Variants in ERG observed in about 807,000 individuals in gnomAD.
The protein encoded by ERG is ETS transcription factor ERG, also known as transcriptional regulator ERG.
A neutral mutation model predicts 55.3 loss-of-function variants in ERG; 9 were observed. The ratio of observed to expected loss-of-function variants is 0.16; its 90% CI spans 0.10 to 0.28. The LOEUF is 0.28. Among genes scored for constraint, ERG ranks in the 10% least tolerant of loss-of-function variants. The probability of loss-of-function intolerance (pLI) is 1.00; values close to 1 mark genes in which losing one functional copy is unlikely to be tolerated. For synonymous variants in ERG, 223 were observed against 237.3 expected, an observed-to-expected ratio of 0.94 and a Z score of 0.55; for missense variants, 434 against 631.6, an observed-to-expected ratio of 0.69 and a Z score of 3.35.
intron 2 of ERG, among the ~76,000 whole-genome samples, chr21:38,557,655 A>G (rs774725553): frequency 6.6e-6 from 1 of 152,242 alleles, no homozygotes; most frequent in African/African-American, 2.4e-5. Flanking sequence ...ACCAATGAGA[A>G]TAAGAGTGAC....
At chr21:38,499,358 C>A (rs1459038779), upstream of ERG, among the ~76,000 whole-genome samples, 1 of 152,208 alleles carries the variant, frequency 6.6e-6, no homozygotes, top group Non-Finnish European at 1.5e-5. Context: ...GGTCTGTTTT[C>A]TCCTCGAAGG....
chr21:38,503,646 A>G (rs1424316778), intron 2 of ERG, among the ~76,000 whole-genome samples: 1 of 152,206 alleles, frequency 6.6e-6, no homozygotes, highest in African/African-American at 2.4e-5. Context: ...AAACAATAGG[A>G]CAAAAGTGCT....
At chr21:38,609,947 T>G (rs915490072) in intron 1 of ERG, among the ~76,000 whole-genome samples, 1 of 152,262 alleles carries the variant, frequency 6.6e-6, no homozygotes, top group African/African-American at 2.4e-5. Flanking sequence ...ACTGGACTTT[T>G]GTATATTTCA....
upstream of ERG, among the ~76,000 whole-genome samples, chr21:38,499,491 A>G (rs1387987364): frequency 6.6e-6 from 1 of 152,178 alleles, no homozygotes; most frequent in Non-Finnish European, 1.5e-5. Flanking sequence ...CGCAGGACCC[A>G]TAAAGAGGTG....
intron 1 of ERG, among the ~76,000 whole-genome samples, chr21:38,484,519 T>C (rs529420282): frequency 6.6e-6 from 1 of 152,342 alleles, no homozygotes; most frequent in East Asian, 1.9e-4. Flanking sequence ...CTTTAAATTA[T>C]CAAAACTACT....
In ERG at chr21:38,626,367, C is replaced by T. The variant is rs964603968; in HGVS notation, c.-150+35291G>A. Reference sequence around the variant, plus strand: ...GCCATTTTGCAAAATGTTGACTGACCATGATGAGAGAAGTACGGAAAGTAA... The same window carrying T: ...GCCATTTTGCAAAATGTTGACTGACTATGATGAGAGAAGTACGGAAAGTAA... On this transcript the variant is annotated intron_variant, in intron 1 of 10. Coordinates refer to the ERG transcript ENST00000398910. Among the ~76,000 whole-genome samples the T allele has an allele frequency of 3.9e-5, 6 of 152,250 alleles. No homozygotes were observed. In the East Asian group the frequency reaches 1.2e-3, roughly 29 times the overall value.
intron 1 of ERG, among the ~76,000 whole-genome samples, chr21:38,660,136 C>A (rs903299886): frequency 6.6e-6 from 1 of 151,796 alleles, no homozygotes; most frequent in Admixed American, 6.6e-5. Context: ...CAGGACCCAG[C>A]GGACAGTGAC....
At chr21:38,637,110 T>C (rs946365421) in intron 1 of ERG, among the ~76,000 whole-genome samples, 3 of 152,188 alleles carry the variant, frequency 2.0e-5, no homozygotes, top group African/African-American at 7.2e-5. Flanking sequence ...ACAGCATCCT[T>C]CTGCTCAGCC....
intron 2 of ERG, among the ~76,000 whole-genome samples, chr21:38,429,190 T>C (rs1435200080): frequency 6.6e-6 from 1 of 152,116 alleles, no homozygotes; most frequent in Non-Finnish European, 1.5e-5. Flanking sequence ...TCCAACTCCA[T>C]CCAAGTTGCT....
chr21:38,599,798 G>A (rs1236178185), intron 1 of ERG, among the ~76,000 whole-genome samples: 2 of 152,246 alleles, frequency 1.3e-5, no homozygotes, highest in African/African-American at 2.4e-5. Context: ...AACAGGGACA[G>A]GAAGGAGCTA....
intron 1 of ERG, among the ~76,000 whole-genome samples, chr21:38,639,092 T>A (rs2060407923): frequency 6.6e-6 from 1 of 152,148 alleles, no homozygotes; most frequent in South Asian, 2.1e-4. Flanking sequence ...CCCCAGGAGA[T>A]GCTGACCAAC....
intron 3 of ERG, among the ~76,000 whole-genome samples, chr21:38,418,272 T>TGTGTGC: frequency 8.4e-6 from 1 of 119,138 alleles, no homozygotes; most frequent in Admixed American, 8.2e-5. Flanking sequence ...CATTTGGAAG[T>TGTGTGC]GTGTGTGTGT....
At chr21:38,417,563 T>C (rs967991866) in intron 3 of ERG, among the ~76,000 whole-genome samples, 1 of 151,922 alleles carries the variant, frequency 6.6e-6, no homozygotes, top group Non-Finnish European at 1.5e-5. Context: ...CCGAGGTGGG[T>C]GGATCATCTG....
chr21:38,613,391 G>A (rs907719427), intron 1 of ERG, among the ~76,000 whole-genome samples: 2 of 151,422 alleles, frequency 1.3e-5, no homozygotes, highest in Non-Finnish European at 2.9e-5. Context: ...TTCAGAGCTA[G>A]TCACTAAAGC....
At chr21:38,435,771 G>C (rs1990415590) in intron 2 of ERG, among the ~76,000 whole-genome samples, 1 of 152,158 alleles carries the variant, frequency 6.6e-6, no homozygotes, top group Non-Finnish European at 1.5e-5. Flanking sequence ...GAAAACTGGA[G>C]GGAAATGCAC....
Position 38,526,217 on chromosome 21 carries a change from G to A in ERG, c.-41+49445C>T, listed in dbSNP as rs548887330. Among the ~76,000 whole-genome samples, 4 of 152,304 alleles carry A rather than the reference G, an allele frequency of 2.6e-5. No homozygotes were observed. The South Asian group carries it at 8.3e-4, about 32-fold the overall frequency. On this transcript the variant is annotated intron_variant, in intron 2 of 8. Transcript: ENST00000398897. ...GCCCATCAAGGAGTAAATAATCCATGAGTGGACTAAATTCTTTAGAAACAG... is the reference window on the plus strand; with the variant it reads ...GCCCATCAAGGAGTAAATAATCCATAAGTGGACTAAATTCTTTAGAAACAG...
At chr21:38,617,775 A>T (rs2060267229) in intron 1 of ERG, among the ~76,000 whole-genome samples, 1 of 152,132 alleles carries the variant, frequency 6.6e-6, no homozygotes, top group Non-Finnish European at 1.5e-5. Context: ...CCCATTGTTG[A>T]TATTTGATAT....
In ERG at chr21:38,403,647, C is replaced by T; in HGVS notation, c.451G>A (p.Gly151Ser). 8 of 1,614,170 alleles carry T rather than the reference C, an allele frequency of 5.0e-6. No individual in the cohort carries two copies. The highest frequency in any genetic ancestry group is 6.8e-6 in the Non-Finnish European group (8 of 1,180,034). Residue 151 changes from glycine to serine, a missense_variant, in exon 4 of 10, where the codon GGC (glycine) becomes AGC (serine). By Grantham distance (56) the Gly-to-Ser change is moderately conservative. Transcript: ENST00000288319. ...AACAAGATGTTGACGTCTGGAAGGC[C>T]ATATTCTTTCACCGCCCACTCCAGC... is the stretch of plus-strand genomic sequence containing the variant. Reference protein sequence around the residue: ...QWLEWAVKEYGLPDVNILLFQ... With the variant: ...QWLEWAVKEYSLPDVNILLFQ...
At chr21:38,392,583 G>T in intron 6 of ERG, 139 bp from the exon 7 acceptor site, 2 of 585,310 alleles carry the variant, frequency 3.4e-6, no homozygotes, top group Non-Finnish European at 2.8e-6. Context: ...TATCCCACTA[G>T]ATTTGAGTTT....
Sources: gnomAD v4.1 joint callset for allele counts (sites outside exome capture counted in the v4.1 genomes callset) on GRCh38, gnomAD v4.1.1 for gene constraint, MANE v1.5 for transcripts, NCBI Gene and HGNC (gene_info 2026-07-23, HGNC 2026-07-21) for gene names.